The following COL9A1 variants were observed in gnomAD, a reference collection of about 807,000 sequenced individuals.
COL9A1 encodes collagen type IX alpha 1 chain.
A neutral mutation model predicts 142.6 loss-of-function variants in COL9A1; 104 were observed. The ratio of observed to expected loss-of-function variants is 0.73; its 90% CI spans 0.62 to 0.86. COL9A1 has a LOEUF of 0.86. Among genes scored for constraint, COL9A1 ranks in the 40% least tolerant of loss-of-function variants. The pLI is 0.00. For missense variants in COL9A1, 1,210 were observed against 1,176.6 expected (o/e 1.03, Z -0.42); for synonymous variants, 466 against 396.0 (o/e 1.18, Z -2.10).
chr6:70,262,039 A>T (rs1381520866), intron 19 of COL9A1, among the ~76,000 whole-genome samples: 3 of 152,118 alleles, frequency 2.0e-5, no homozygotes, highest in Admixed American at 2.0e-4. Context: ...CCCAACATAG[A>T]TCCTTAATCC....
At chr6:70,219,593 G>C (rs191756110) in intron 37 of COL9A1, among the ~76,000 whole-genome samples, 23 of 152,326 alleles carry the variant, frequency 1.5e-4, no homozygotes, top group African/African-American at 5.3e-4. Flanking sequence ...CAAATGCAAT[G>C]AAATTTGGCC....
At position 70,254,540 on chromosome 6, in the gene COL9A1, A is replaced by AT; in HGVS notation, c.1666-12_1666-11insA. The AT allele has an allele frequency of 6.2e-7, 1 of 1,613,956 alleles. No individual in the cohort carries two copies. The highest frequency in any genetic ancestry group is 2.2e-5 in the East Asian group (1 of 44,868). Reference sequence around the variant, plus strand: ...TTTTCCTGGTTCACCCTGCAAAAAAAGCTTTTATCACATGATTGAACCTGT... The same window carrying AT: ...TTTTCCTGGTTCACCCTGCAAAAAAATGCTTTTATCACATGATTGAACCTGT... On this transcript the variant is annotated splice_polypyrimidine_tract_variant and intron_variant, in intron 24 of 37. Transcript: ENST00000357250.
At chr6:70,280,547 A>C in intron 10 of COL9A1, 1 of 1,393,208 alleles carries the variant, frequency 7.2e-7, no homozygotes, top group Non-Finnish European at 9.3e-7. Context: ...TCACGGTTAG[A>C]GACAGGAAGC....
At chr6:70,295,477 G>A (rs925959800) in intron 4 of COL9A1, among the ~76,000 whole-genome samples, 1 of 151,398 alleles carries the variant, frequency 6.6e-6, no homozygotes. Flanking sequence ...TAGTAGAGAT[G>A]GTGTTTCGCC....
intron 36 of COL9A1, among the ~76,000 whole-genome samples, chr6:70,229,302 C>G (rs1444459525): frequency 1.3e-5 from 2 of 152,080 alleles, no homozygotes; most frequent in Non-Finnish European, 2.9e-5. Flanking sequence ...TGTACAAAAA[C>G]CAGCTTAGGG....
intron 19 of COL9A1, chr6:70,261,197 T>C (rs1225484910): frequency 1.9e-5 from 3 of 161,042 alleles, no homozygotes; most frequent in African/African-American, 4.8e-5. Flanking sequence ...GGAGCCTCCA[T>C]CAATCCCTTG....
chr6:70,255,637 T>G (rs944077658), intron 21 of COL9A1, among the ~76,000 whole-genome samples: 2 of 152,218 alleles, frequency 1.3e-5, no homozygotes, highest in African/African-American at 4.8e-5. Flanking sequence ...TATGCCTCTG[T>G]GTTCTTGTGT....
chr6:70,235,152 T>A (rs1031703142), intron 33 of COL9A1, among the ~76,000 whole-genome samples: 2 of 152,218 alleles, frequency 1.3e-5, no homozygotes, highest in African/African-American at 4.8e-5. Context: ...TCAAGTTAAC[T>A]TTCAATATAT....
At chr6:70,257,048 A>AATTTTTTTTTTTTTTTTT (rs1562307548) in intron 20 of COL9A1, among the ~76,000 whole-genome samples, 1 of 105,018 alleles carries the variant, frequency 9.5e-6, no homozygotes. Context: ...CCACTCTGTA[A>AATTTTTTTTTTTTTTTTT]TTTTTTTTTT....
At chr6:70,237,132 T>C (rs1290078383) in intron 33 of COL9A1, among the ~76,000 whole-genome samples, 3 of 152,080 alleles carry the variant, frequency 2.0e-5, no homozygotes, top group Non-Finnish European at 2.9e-5. Context: ...CAACAACTTC[T>C]AAAAGAACCC....
chr6:70,255,835 TGATATACGC>T (rs1014627185), intron 21 of COL9A1, among the ~76,000 whole-genome samples: 58 of 49,382 alleles, frequency 1.2e-3, no homozygotes, highest in African/African-American at 4.2e-3. Flanking sequence ...TTGATATACG[TGATATACGC>T]TACAGGTGGT....
chr6:70,254,275 A>G (rs1309734854), intron 25 of COL9A1, among the ~76,000 whole-genome samples: 1 of 152,226 alleles, frequency 6.6e-6, no homozygotes, highest in Non-Finnish European at 1.5e-5. Flanking sequence ...ATTAAAGCCT[A>G]TTATTTACAG....
intron 20 of COL9A1, among the ~76,000 whole-genome samples, chr6:70,259,815 C>T (rs746149173): frequency 3.8e-4 from 58 of 152,254 alleles, no homozygotes; most frequent in South Asian, 4.2e-4. Context: ...CAGCAGCCTG[C>T]GGAGTGCCTT....
chr6:70,265,348 C>T (rs1771941170), intron 18 of COL9A1, among the ~76,000 whole-genome samples: 1 of 152,046 alleles, frequency 6.6e-6, no homozygotes, highest in Non-Finnish European at 1.5e-5. Flanking sequence ...TCAAAAATAA[C>T]AGAAGTCTAC....
At chr6:70,239,862 C>G (rs952295112) in intron 32 of COL9A1, among the ~76,000 whole-genome samples, 1 of 152,014 alleles carries the variant, frequency 6.6e-6, no homozygotes, top group African/African-American at 2.4e-5. Flanking sequence ...ATAAAATGAA[C>G]GATTTTAACA....
At chr6:70,251,440 G>A (rs756901148) in intron 28 of COL9A1, among the ~76,000 whole-genome samples, 1 of 152,128 alleles carries the variant, frequency 6.6e-6, no homozygotes, top group African/African-American at 2.4e-5. Flanking sequence ...CCAGCCACTC[G>A]GGAGGCTTAG....
chr6:70,241,963 C>T lies in COL9A1; in HGVS notation c.1998+1G>A. Reference sequence around the variant, plus strand: ...ACCTTCTGGAGTGCTGGAGCTCTTACCCTGTCACCTTTCATTCCAGGAAGT... The same window carrying T: ...ACCTTCTGGAGTGCTGGAGCTCTTATCCTGTCACCTTTCATTCCAGGAAGT... On this transcript the variant is annotated splice_donor_variant, in intron 30 of 37. Transcript: ENST00000357250. LOFTEE classifies it high-confidence loss of function. The T allele has an allele frequency of 1.3e-6, 2 of 1,591,328 alleles. No homozygotes were observed. The highest frequency in any genetic ancestry group is 2.3e-5 in the South Asian group (2 of 87,438).
chr6:70,257,250 G>A (rs1032968749), intron 20 of COL9A1, among the ~76,000 whole-genome samples: 4 of 151,724 alleles, frequency 2.6e-5, no homozygotes, highest in African/African-American at 4.8e-5. Flanking sequence ...TAGTAGAGAT[G>A]GGATTTCACC....
At chr6:70,227,279 A>T in intron 36 of COL9A1, among the ~76,000 whole-genome samples, 1 of 152,004 alleles carries the variant, frequency 6.6e-6, no homozygotes, top group African/African-American at 2.4e-5. Context: ...GGTTCCTAAA[A>T]TCAATACAAA....
Sources: gnomAD v4.1 joint callset for allele counts (sites outside exome capture counted in the v4.1 genomes callset) on GRCh38, gnomAD v4.1.1 for gene constraint, MANE v1.5 for transcripts, NCBI Gene and HGNC (gene_info 2026-07-23, HGNC 2026-07-21) for gene names.